PHIP: variants seen among roughly 807,000 people sequenced by gnomAD.
PHIP encodes the protein PHIP subunit of CUL4-Ring ligase complex, also known as PH-interacting protein.
PHIP carries 54 observed loss-of-function variants against 236.8 expected under a neutral mutation model. The observed-to-expected ratio is 0.23, with a 90% CI of 0.18 to 0.29. The LOEUF is 0.29. Among genes scored for constraint, PHIP ranks in the 10% least tolerant of loss-of-function variants. PHIP has a pLI of 1.00. For missense variants in PHIP, 1,370 were observed against 2,190.8 expected (o/e 0.63, Z 7.48); for synonymous variants, 756 against 718.9 (o/e 1.05, Z -0.83).
intron 19 of PHIP, among the ~76,000 whole-genome samples, chr6:78,995,893 A>C (rs1769578406): frequency 6.6e-6 from 1 of 152,224 alleles, no homozygotes; most frequent in East Asian, 1.9e-4. Context: ...CCATAGGATG[A>C]GTACAAAGTT....
At chr6:78,945,859 T>A (rs1773783694) in intron 38 of PHIP, 142 bp downstream of exon 38, 1 of 675,140 alleles carries the variant, frequency 1.5e-6, no homozygotes, top group Non-Finnish European at 2.5e-6. Flanking sequence ...AAACTTTTTT[T>A]TAAAATAGGA....
intron 28 of PHIP, 63 bp downstream of exon 28, chr6:78,965,882 T>C (rs111951427): frequency 7.0e-6 from 9 of 1,287,370 alleles, no homozygotes; most frequent in Middle Eastern, 1.8e-4. Flanking sequence ...TATCTCTTAA[T>C]AGATGGAAAA....
intron 7 of PHIP, among the ~76,000 whole-genome samples, chr6:79,031,905 A>G (rs531945552): frequency 6.6e-6 from 1 of 152,314 alleles, no homozygotes; most frequent in South Asian, 2.1e-4. Context: ...TTCAAAATAA[A>G]AAGTTTCAGA....
At chr6:79,003,034 A>G (rs1054499786) in intron 16 of PHIP, among the ~76,000 whole-genome samples, 1 of 152,114 alleles carries the variant, frequency 6.6e-6, no homozygotes, top group Non-Finnish European at 1.5e-5. Context: ...ATTTACTATC[A>G]TAACCTTTTA....
chr6:79,003,712 A>C lies in PHIP; in HGVS notation c.1653+18T>G, dbSNP rs1770136540. 1 of 1,575,748 alleles carries C rather than the reference A, an allele frequency of 6.3e-7. No individual in the cohort carries two copies. The highest frequency in any genetic ancestry group is 2.3e-5 in the East Asian group (1 of 43,948). ...TTAAAAAAAAATAAGGACATGATAT[A>C]TAGTCATCATACTCTACCTTGTCAT... On this transcript the variant is annotated intron_variant, in intron 16 of 39. Transcript: ENST00000275034.
chr6:79,015,279 ATGAAAT>A, intron 14 of PHIP, 63 bp from the exon 15 acceptor site: 1 of 1,286,306 alleles, frequency 7.8e-7, no homozygotes, highest in Non-Finnish European at 1.1e-6. Context: ...AACAAACATA[ATGAAAT>A]ACCAATATGG....
chr6:79,073,219 C>T (rs1773980582), intron 4 of PHIP, among the ~76,000 whole-genome samples: 1 of 152,130 alleles, frequency 6.6e-6, no homozygotes, highest in Non-Finnish European at 1.5e-5. Flanking sequence ...GTATAAGCAT[C>T]AATAGAATAA....
intron 35 of PHIP, among the ~76,000 whole-genome samples, chr6:78,952,599 A>T (rs987080919): frequency 7.2e-5 from 11 of 151,816 alleles, no homozygotes; most frequent in African/African-American, 2.7e-4. Flanking sequence ...TCACACTCTT[A>T]ATCTCTTTAT....
chr6:79,001,990 G>T lies in PHIP; in HGVS notation c.1788C>A (p.Asn596Lys). The part of the protein sequence containing the change: ...PPPFLVDVDG[N>K]PHPSRYQRLV... ...ATCTTTGATATCTTGATGGATGAGG[G>T]TTACCATCAACATCAACCAAAAAAG... Residue 596 changes from asparagine to lysine, a missense_variant, in exon 17 of 40, where the codon AAC (asparagine) becomes AAA (lysine). By Grantham distance (94) the Asn-to-Lys change is moderately conservative. Coordinates refer to ENST00000275034, the MANE Select transcript of PHIP (RefSeq NM_017934.7). 1.9e-6 allele frequency: 3 copies of T among 1,612,820 alleles called. No individual in the cohort carries two copies. The highest frequency in any genetic ancestry group is 2.5e-6 in the Non-Finnish European group (3 of 1,179,112).
intron 12 of PHIP, 44 bp from the exon 13 acceptor site, chr6:79,016,686 G>A: frequency 8.2e-7 from 1 of 1,212,518 alleles, no homozygotes; most frequent in Non-Finnish European, 1.2e-6. Context: ...AATCATACAT[G>A]CTTTACCAAA....
chr6:79,056,258 A>T (rs1443925173), intron 6 of PHIP, among the ~76,000 whole-genome samples: 1 of 152,236 alleles, frequency 6.6e-6, no homozygotes, highest in Non-Finnish European at 1.5e-5. Context: ...TATTTGTACA[A>T]CGTACAGAAA....
chr6:79,019,315 TC>T (rs1770991417), intron 9 of PHIP, among the ~76,000 whole-genome samples, 156 bp from the exon 10 acceptor site: 1 of 152,096 alleles, frequency 6.6e-6, no homozygotes, highest in Non-Finnish European at 1.5e-5. Context: ...GTGTCATAAA[TC>T]AGAAGATCTT....
rs1232593638 is a variant in PHIP, at chr6:79,078,034, C to T, written c.35G>A (p.Arg12Gln). 6.2e-7 allele frequency: 1 copy of T among 1,609,268 alleles called. No homozygotes were observed. The highest frequency in any genetic ancestry group is 1.1e-5 in the South Asian group (1 of 90,960). The change falls in exon 1 of 40, where the codon CGA (arginine) becomes CAA (glutamine). Residue 12 changes from arginine (R) to glutamine (Q), a missense_variant. Around this residue, in one of 14 missense-constraint regions of PHIP, gnomAD observed 43 missense variants for 53.8 expected, o/e 0.80. Transcript: ENST00000275034. ...SCERKGLSEL[R>Q]SELYFLIARF... ...CCGGCAGCCCCCCGACTTACCCGAT[C>T]GCAGCTCCGAGAGGCCTTTCCTCTC... is the stretch of plus-strand genomic sequence containing the variant.
chr6:79,076,175 A>G (rs1336738920), intron 4 of PHIP, among the ~76,000 whole-genome samples: 1 of 152,224 alleles, frequency 6.6e-6, no homozygotes, highest in East Asian at 1.9e-4. Context: ...ATATTAAACC[A>G]CAAGAGATTT....
chr6:78,988,710 CTGAT>C (rs1350166185), intron 20 of PHIP, among the ~76,000 whole-genome samples: 1 of 151,422 alleles, frequency 6.6e-6, no homozygotes, highest in Non-Finnish European at 1.5e-5. Flanking sequence ...TATTTACTTG[CTGAT>C]TGATTAGTTA....
chr6:79,074,268 A>G (rs1047242750), intron 4 of PHIP, among the ~76,000 whole-genome samples: 2 of 152,128 alleles, frequency 1.3e-5, no homozygotes, highest in African/African-American at 2.4e-5. Context: ...TTGGGGGGAA[A>G]AAAGAGAAGT....
intron 24 of PHIP, among the ~76,000 whole-genome samples, chr6:78,971,777 T>G (rs1342509628): frequency 3.3e-5 from 5 of 152,178 alleles, no homozygotes; most frequent in African/African-American, 1.2e-4. Context: ...GGACGGCACC[T>G]GGAAAATCGG....
At position 78,955,657 on chromosome 6, in the gene PHIP, GA is replaced by G; in HGVS notation, c.3807del (p.Pro1270HisfsTer6). 9.2e-7 allele frequency: 1 copy of G among 1,085,660 alleles called. No individual in the cohort carries two copies. Among genetic ancestry groups the G allele is most frequent in the Non-Finnish European group, 1.4e-6 (1 of 716,814 alleles). 67.3% of individuals were successfully genotyped at this position (1,085,660 alleles called of 1,614,324 possible). ...TTCTTCTTCATTGAATTATAAAGTGGAATTATGTTATAACAAGTCTGATCCC... is the reference window on the plus strand; with the variant it reads ...TTCTTCTTCATTGAATTATAAAGTGGATTATGTTATAACAAGTCTGATCCC... ...FIKDQTCYNI[I>X]PLYNSMKKKV... is the part of the protein sequence containing the mutation. On this transcript the variant is annotated frameshift_variant, in exon 33 of 40. Coordinates refer to ENST00000275034, the MANE Select transcript of PHIP (RefSeq NM_017934.7). LOFTEE classifies it high-confidence loss of function.
Position 79,077,846 on chromosome 6 carries a change from C to T in PHIP, c.99+9G>A, listed in dbSNP as rs1774263252. 1.3e-6 allele frequency: 2 copies of T among 1,482,262 alleles called. No homozygotes were observed. Among genetic ancestry groups the T allele is most frequent in the South Asian group, 2.5e-5 (2 of 78,848 alleles). 91.8% of individuals were successfully genotyped at this position (1,482,262 alleles called of 1,614,324 possible). Reference sequence around the variant, plus strand: ...GCGCCGGCCCGGCCCGCGCCGCGCGCCGCCGTACCTGAGCCGCCTGCTGAC... The same window carrying T: ...GCGCCGGCCCGGCCCGCGCCGCGCGTCGCCGTACCTGAGCCGCCTGCTGAC... On this transcript the variant is annotated intron_variant, in intron 2 of 39. Transcript: ENST00000275034.
Sources: allele counts gnomAD v4.1 joint callset (sites outside exome capture counted in the v4.1 genomes callset), GRCh38; gene constraint gnomAD v4.1.1; regional missense constraint gnomAD v4.1.1; transcripts MANE v1.5; gene names NCBI Gene and HGNC (gene_info 2026-07-23, HGNC 2026-07-21).